The following FBLN5 variants were observed in gnomAD, a reference collection of about 807,000 sequenced individuals.
FBLN5 encodes the protein fibulin-5.
FBLN5 carries 24 observed loss-of-function variants against 61.6 expected under a neutral mutation model. That is an observed-to-expected ratio of 0.39 (90% CI 0.28 to 0.55). FBLN5 has a LOEUF of 0.55. Ranked by LOEUF, FBLN5 falls within the 20% of genes least tolerant of loss-of-function variation. The pLI, the probability that FBLN5 is intolerant of heterozygous loss-of-function variation, is 0.65. For synonymous variants in FBLN5, 213 were observed against 219.8 expected (o/e 0.97, Z 0.27); for missense variants, 470 against 594.1 (o/e 0.79, Z 2.17).
At chr14:91,899,304 T>C (rs771282708) in intron 4 of FBLN5, among the ~76,000 whole-genome samples, 6 of 152,232 alleles carry the variant, frequency 3.9e-5, no homozygotes, top group Non-Finnish European at 8.8e-5. Context: ...GTCGGGTGCC[T>C]GGGCACTTGG....
chr14:91,923,085 A>T (rs1260925089), intron 4 of FBLN5, among the ~76,000 whole-genome samples: 1 of 152,180 alleles, frequency 6.6e-6, no homozygotes, highest in Non-Finnish European at 1.5e-5. Flanking sequence ...CCTGGTTGTC[A>T]TAAGCATCTT....
chr14:91,946,711 A>G (rs960282644), intron 1 of FBLN5: 5 of 1,535,058 alleles, frequency 3.3e-6, no homozygotes, highest in Admixed American at 3.9e-5. Flanking sequence ...ATTTGCTTAC[A>G]TGTATCTCTG....
chr14:91,884,753 G>A (rs1889648204), intron 7 of FBLN5, among the ~76,000 whole-genome samples: 2 of 152,258 alleles, frequency 1.3e-5, no homozygotes, highest in Non-Finnish European at 2.9e-5. Context: ...CACCCAAGCA[G>A]GGTTAGCTCC....
At chr14:91,875,342 T>C (rs768352327) in intron 10 of FBLN5, among the ~76,000 whole-genome samples, 8 of 152,060 alleles carry the variant, frequency 5.3e-5, no homozygotes, top group Non-Finnish European at 8.8e-5. Flanking sequence ...GATGTTGACA[T>C]CCTGAAAGGC....
At chr14:91,937,345 C>T in intron 3 of FBLN5, 144 bp from the exon 4 acceptor site, 8 of 993,168 alleles carry the variant, frequency 8.1e-6, no homozygotes, top group Non-Finnish European at 1.2e-5. Context: ...TAAGGTACCC[C>T]AAATGTTGGC....
At chr14:91,946,398 G>A (rs1008303570) in intron 1 of FBLN5, among the ~76,000 whole-genome samples, 1 of 151,998 alleles carries the variant, frequency 6.6e-6, no homozygotes, top group Non-Finnish European at 1.5e-5. Flanking sequence ...TGGGTTCGCC[G>A]GTGTTGTGCC....
At chr14:91,902,277 GTTTGTTT>G (rs1274929866) in intron 4 of FBLN5, among the ~76,000 whole-genome samples, 1 of 48,808 alleles carries the variant, frequency 2.0e-5, no homozygotes, top group African/African-American at 5.6e-5. Context: ...TTGTTTGTTT[GTTTGTTT>G]TTTTTTTTTT....
chr14:91,946,135 A>T (rs2056180081), intron 1 of FBLN5, among the ~76,000 whole-genome samples: 1 of 150,776 alleles, frequency 6.6e-6, no homozygotes, highest in Non-Finnish European at 1.5e-5. Context: ...GCCCTGGGAC[A>T]GGTCTTGCCT....
chr14:91,895,626 C>A (rs1890190124), intron 4 of FBLN5, among the ~76,000 whole-genome samples: 2 of 151,442 alleles, frequency 1.3e-5, no homozygotes, highest in African/African-American at 4.9e-5. Flanking sequence ...TGGTGAAACC[C>A]CGTCTCTACT....
At position 91,911,971 on chromosome 14, in the gene FBLN5, C is replaced by T. The variant is rs191740693; in HGVS notation, c.380-16899G>A. 2.0e-5 allele frequency among the ~76,000 whole-genome samples: 3 copies of T among 152,306 alleles called. No individual in the cohort carries two copies. The East Asian group carries it at 5.8e-4, about 29-fold the overall frequency. On this transcript the variant is annotated intron_variant, in intron 4 of 10. Coordinates refer to ENST00000342058, the MANE Select transcript of FBLN5 (RefSeq NM_006329.4). The stretch of plus-strand genomic sequence containing the variant: ...TTACTTTAAAAAGCATTTAGGAGCA[C>T]AATTATTTATTTTCCAGTTTGTCTC...
chr14:91,926,637 C>T (rs1469832742), intron 4 of FBLN5, among the ~76,000 whole-genome samples: 3 of 152,150 alleles, frequency 2.0e-5, no homozygotes, highest in Admixed American at 2.0e-4. Flanking sequence ...ATGCTCCTTC[C>T]ACATACTTCC....
chr14:91,916,784 T>C (rs542943880), intron 4 of FBLN5, among the ~76,000 whole-genome samples: 5 of 152,296 alleles, frequency 3.3e-5, no homozygotes, highest in East Asian at 3.9e-4. Flanking sequence ...TCTCTTTCCA[T>C]GCAAAAGTTA....
At position 91,947,029 on chromosome 14, in the gene FBLN5, C is replaced by T; in HGVS notation, c.17+184G>A. ...GAAAATACCCACTCCCAAAAGAACGCTTCAAGATGGAAATTACAGAGGCGC... is the reference window on the plus strand; with the variant it reads ...GAAAATACCCACTCCCAAAAGAACGTTTCAAGATGGAAATTACAGAGGCGC... On this transcript the variant is annotated intron_variant, in intron 1 of 10. Coordinates refer to ENST00000342058, the MANE Select transcript of FBLN5 (RefSeq NM_006329.4). This position sits in a 1 kb window ranked among gnomAD's most constrained non-coding sequence, Gnocchi z 4.3. The T allele has an allele frequency of 6.5e-7, 1 of 1,532,188 alleles. No homozygotes were observed. The highest frequency in any genetic ancestry group is 1.2e-5 in the South Asian group (1 of 80,806). 94.9% of individuals were successfully genotyped at this position (1,532,188 alleles called of 1,614,324 possible). A position where few individuals can be genotyped will look rare whatever the true frequency, so the allele number is the denominator to read the frequency against.
chr14:91,928,912 GCCGGGTGCAGTGGCAGGCGC>G (rs2055875306), intron 4 of FBLN5, among the ~76,000 whole-genome samples: 2 of 151,794 alleles, frequency 1.3e-5, no homozygotes, highest in African/African-American at 4.8e-5. Context: ...CAAAAAATTA[GCCGGGTGCAGTGGCAGGCGC>G]CTGTAGTCCC....
chr14:91,875,542 C>T (rs1889125201), intron 10 of FBLN5, among the ~76,000 whole-genome samples: 1 of 152,182 alleles, frequency 6.6e-6, no homozygotes, highest in African/African-American at 2.4e-5. Flanking sequence ...CTCCAAAAGA[C>T]CCACAAAAGC....
rs553398855 is a variant in FBLN5 at position 91,870,344 on chromosome 14, G to T, written c.1227C>A (p.Pro409=). The change falls in exon 11 of 11, where the codon CCC becomes CCA. Residue 409 remains proline (P), a synonymous_variant. Transcript: ENST00000342058. ...PISATLVMTR[P]IKGPREIQLD... is the part of the protein sequence containing the mutation. ...GCTGGATTTCCCGGGGCCCTTTGAT[G>T]GGGCGTGTCATCACCAGGGTGGCAC... 1 of 1,614,184 alleles carries T rather than the reference G, an allele frequency of 6.2e-7. No homozygotes were observed. Among genetic ancestry groups the T allele is most frequent in the East Asian group, 2.2e-5 (1 of 44,872 alleles).
chr14:91,911,801 C>T (rs1355557546), intron 4 of FBLN5, among the ~76,000 whole-genome samples: 2 of 88,424 alleles, frequency 2.3e-5, no homozygotes, highest in African/African-American at 3.2e-5. Context: ...AAGGAAAAGA[C>T]GGAAAAAAAA....
chr14:91,943,741 A>G lies in FBLN5; in HGVS notation c.18-780T>C, dbSNP rs1018216696. On this transcript the variant is annotated intron_variant, in intron 1 of 10. Coordinates refer to ENST00000342058, the MANE Select transcript of FBLN5 (RefSeq NM_006329.4). The surrounding 1 kb of genome is among the most constrained non-coding windows in gnomAD (Gnocchi z 4.0). ...TCACAGGAAGTCACTGAACCAGAGC[A>G]TTGAGTCCACATGTGTGAAAATCCC... is the stretch of plus-strand genomic sequence containing the variant. 3.3e-5 allele frequency among the ~76,000 whole-genome samples: 5 copies of G among 152,176 alleles called. No homozygotes were observed. The highest frequency in any genetic ancestry group is 1.2e-4 in the African/African-American group (5 of 41,440).
intron 4 of FBLN5, among the ~76,000 whole-genome samples, chr14:91,916,452 CA>C (rs1275640958): frequency 6.6e-6 from 1 of 151,988 alleles, no homozygotes; most frequent in Non-Finnish European, 1.5e-5. Context: ...GTCTCAAAAT[CA>C]AACAAAAAAG....
Sources: allele counts gnomAD v4.1 joint callset (sites outside exome capture counted in the v4.1 genomes callset), GRCh38; gene constraint gnomAD v4.1.1; non-coding constraint Gnocchi (gnomAD v3.1); transcripts MANE v1.5; gene names NCBI Gene and HGNC (gene_info 2026-07-23, HGNC 2026-07-21).